Variants in CCDC91 observed in about 807,000 individuals in gnomAD.
The protein encoded by CCDC91 is coiled-coil domain-containing protein 91.
Under a neutral mutation model 63.2 loss-of-function variants are expected in CCDC91, and 48 were observed. The ratio of observed to expected loss-of-function variants is 0.76; its 90% CI spans 0.60 to 0.97. CCDC91 has a LOEUF of 0.97. CCDC91 is among the 50% of genes least tolerant of loss of function. The pLI is 0.00. For missense variants in CCDC91, 500 were observed against 494.6 expected (o/e 1.01, Z -0.10); for synonymous variants, 167 against 165.8 (o/e 1.01, Z -0.06).
At chr12:28,338,902 G>A (rs1348956266) in intron 6 of CCDC91, among the ~76,000 whole-genome samples, 3 of 151,850 alleles carry the variant, frequency 2.0e-5, no homozygotes, top group Non-Finnish European at 4.4e-5. Flanking sequence ...GTGCAATGGC[G>A]CAATCTTGGC....
intron 3 of CCDC91, among the ~76,000 whole-genome samples, chr12:28,270,565 A>G (rs1313252836): frequency 5.9e-5 from 9 of 152,120 alleles, no homozygotes; most frequent in Non-Finnish European, 2.9e-5. Flanking sequence ...TTACGAACAC[A>G]ATGTTAATTT....
chr12:28,338,967 A>G (rs1168332051), intron 6 of CCDC91, among the ~76,000 whole-genome samples: 1 of 151,900 alleles, frequency 6.6e-6, no homozygotes, highest in African/African-American at 2.4e-5. Flanking sequence ...CAGCCTCCCA[A>G]GTAGCTGGAA....
At chr12:28,265,913 C>T (rs999299314) in intron 3 of CCDC91, among the ~76,000 whole-genome samples, 1 of 151,994 alleles carries the variant, frequency 6.6e-6, no homozygotes, top group Non-Finnish European at 1.5e-5. Context: ...ACATTTTTGT[C>T]AGGACATAAA....
intron 12 of CCDC91, among the ~76,000 whole-genome samples, chr12:28,548,342 T>C (rs1483680215): frequency 6.6e-6 from 1 of 152,118 alleles, no homozygotes; most frequent in Non-Finnish European, 1.5e-5. Context: ...CAATCTTGGC[T>C]CACTGCAACC....
At chr12:28,541,948 G>A (rs1481326153) in intron 12 of CCDC91, among the ~76,000 whole-genome samples, 1 of 152,068 alleles carries the variant, frequency 6.6e-6, no homozygotes, top group Non-Finnish European at 1.5e-5. Context: ...TTTCTGTGCA[G>A]CTACTATACA....
At position 28,276,572 on chromosome 12, in the gene CCDC91, G is replaced by T. The variant is rs1455844232; in HGVS notation, c.109+17130G>T. Reference sequence around the variant, plus strand: ...TCATAAATTGATAAAGATCTTGGCTGAGGGGTAGATTGTAGTATTTGCCTT... The same window carrying T: ...TCATAAATTGATAAAGATCTTGGCTTAGGGGTAGATTGTAGTATTTGCCTT... On this transcript the variant is annotated intron_variant, in intron 3 of 12. Coordinates refer to ENST00000536442, the MANE Select transcript of CCDC91 (RefSeq NM_018318.5). 2.0e-5 allele frequency among the ~76,000 whole-genome samples: 3 copies of T among 151,948 alleles called. No individual in the cohort carries two copies. In the South Asian group the frequency reaches 6.2e-4, roughly 31 times the overall value.
chr12:28,522,384 T>C (rs1183905124), intron 12 of CCDC91, among the ~76,000 whole-genome samples: 1 of 152,226 alleles, frequency 6.6e-6, no homozygotes, highest in Non-Finnish European at 1.5e-5. Context: ...TATTCTCTGA[T>C]GGTAGTTTGT....
chr12:28,266,107 T>TA (rs1947166127), intron 3 of CCDC91, among the ~76,000 whole-genome samples: 1 of 152,060 alleles, frequency 6.6e-6, no homozygotes, highest in Non-Finnish European at 1.5e-5. Context: ...ATAGCTTCTA[T>TA]AAAGCTGTGA....
At chr12:28,282,361 A>T (rs1360136403) in intron 3 of CCDC91, among the ~76,000 whole-genome samples, 4 of 152,074 alleles carry the variant, frequency 2.6e-5, no homozygotes, top group African/African-American at 9.7e-5. Flanking sequence ...AACATGTAGT[A>T]TTTGTTCTTT....
intron 12 of CCDC91, among the ~76,000 whole-genome samples, chr12:28,513,660 A>G (rs10843196): frequency 0.21 from 31,715 of 151,818 alleles, 4,346 homozygotes; most frequent in Non-Finnish European, 0.31. Context: ...AAAGCAGATA[A>G]ACTGACCCTT....
chr12:28,259,440 C>T lies in CCDC91; in HGVS notation c.107C>T (p.Ala36Val). Reference protein sequence around the residue: ...SPAIPWAAFPAVSGVHLSPSS... With the variant: ...SPAIPWAAFPVVSGVHLSPSS... Reference sequence around the variant, plus strand: ...GCTATTCCTTGGGCTGCCTTTCCTGCAGGTATTGGTATCCAGGAATTAGGG... The same window carrying T: ...GCTATTCCTTGGGCTGCCTTTCCTGTAGGTATTGGTATCCAGGAATTAGGG... The change falls in exon 3 of 13, where the codon GCA becomes GTA. Residue 36 changes from alanine (A) to valine (V), a missense_variant and splice_region_variant. Ala to Val is a moderately conservative substitution (Grantham distance 64). Coordinates refer to ENST00000536442, the MANE Select transcript of CCDC91 (RefSeq NM_018318.5). 1 of 1,574,138 alleles carries T rather than the reference C, an allele frequency of 6.4e-7. No homozygotes were observed. Among genetic ancestry groups the T allele is most frequent in the Non-Finnish European group, 8.7e-7 (1 of 1,146,142 alleles).
chr12:28,415,664 T>TTGTGTGTG lies in CCDC91; in HGVS notation c.762+24271_762+24278dup, dbSNP rs61077919. Among the ~76,000 whole-genome samples, 666 of 148,498 alleles carry TTGTGTGTG rather than the reference T, an allele frequency of 4.5e-3. 4 individuals are homozygous for TTGTGTGTG. Among genetic ancestry groups the TTGTGTGTG allele is most frequent in the Non-Finnish European group, 5.5e-3 (366 of 67,078 alleles). On this transcript the variant is annotated intron_variant, in intron 8 of 12. Coordinates refer to ENST00000536442, the MANE Select transcript of CCDC91 (RefSeq NM_018318.5). ...TTATTTAACTAATAAAGATATATAT[T>TTGTGTGTG]TGTGTGTGTGTGTGTGTGTGTGTGT...
At chr12:28,382,551 T>G (rs1306907570) in intron 7 of CCDC91, among the ~76,000 whole-genome samples, 4 of 152,014 alleles carry the variant, frequency 2.6e-5, no homozygotes, top group Non-Finnish European at 4.4e-5. Context: ...TGAGATAAAA[T>G]GAGGAATCTA....
In CCDC91 at chr12:28,200,979, G is replaced by T. The variant is rs1302562534; in HGVS notation, c.-15+10338G>T. Among the ~76,000 whole-genome samples the T allele has an allele frequency of 2.2e-5, 3 of 137,966 alleles. 1 individual carries two copies. The South Asian group carries it at 6.5e-4, about 30-fold the overall frequency. 90.5% of individuals were successfully genotyped at this position (137,966 alleles called of 152,430 possible). ...TGACCCCCCAACCTCCCTCCCGGAC[G>T]GGGCGGCTGGCCGGGCGGGGGGCTG... On this transcript the variant is annotated intron_variant, in intron 1 of 12. Transcript: ENST00000536442.
intron 6 of CCDC91, among the ~76,000 whole-genome samples, chr12:28,330,192 C>G (rs1025200257): frequency 1.3e-5 from 2 of 152,186 alleles, no homozygotes; most frequent in African/African-American, 4.8e-5. Context: ...AATCGCCACA[C>G]TGTCTTCCAC....
chr12:28,213,342 A>G (rs1416214385), intron 1 of CCDC91, among the ~76,000 whole-genome samples: 1 of 152,238 alleles, frequency 6.6e-6, no homozygotes, highest in Non-Finnish European at 1.5e-5. Flanking sequence ...AGTGTGACCC[A>G]TGAAGACATG....
At chr12:28,512,636 G>T (rs145902024) in intron 12 of CCDC91, among the ~76,000 whole-genome samples, 17 of 151,992 alleles carry the variant, frequency 1.1e-4, no homozygotes, top group South Asian at 4.1e-4. Flanking sequence ...TTGAGTAGTT[G>T]TGATGGTGAC....
intron 3 of CCDC91, among the ~76,000 whole-genome samples, chr12:28,289,914 G>A (rs767540600): frequency 1.2e-4 from 18 of 151,778 alleles, no homozygotes; most frequent in Non-Finnish European, 1.9e-4. Flanking sequence ...GGATGGTCTC[G>A]ATCTCCTGAC....
chr12:28,385,319 A>G (rs1165016512), intron 7 of CCDC91, among the ~76,000 whole-genome samples: 2 of 152,186 alleles, frequency 1.3e-5, no homozygotes, highest in African/African-American at 4.8e-5. Context: ...TAATTTCTGT[A>G]TGAAGGGACA....
Sources: allele counts gnomAD v4.1 joint callset (sites outside exome capture counted in the v4.1 genomes callset), GRCh38; gene constraint gnomAD v4.1.1; transcripts MANE v1.5; gene names NCBI Gene and HGNC (gene_info 2026-07-23, HGNC 2026-07-21).